Variants in LNPEP observed in about 807,000 individuals in gnomAD.
The protein encoded by LNPEP is leucyl and cystinyl aminopeptidase.
Under a neutral mutation model 120.6 loss-of-function variants are expected in LNPEP, and 64 were observed. The ratio of observed to expected loss-of-function variants is 0.53; its 90% CI spans 0.43 to 0.65. The LOEUF (loss-of-function observed/expected upper bound fraction) is 0.65. Ranked by LOEUF, LNPEP falls within the 30% of genes least tolerant of loss-of-function variation. The pLI, the probability that LNPEP is intolerant of heterozygous loss-of-function variation, is 0.00. For synonymous variants in LNPEP, 435 were observed against 425.4 expected (o/e 1.02, Z -0.28); for missense variants, 1,057 against 1,200.0 (o/e 0.88, Z 1.76).
intron 6 of LNPEP, among the ~76,000 whole-genome samples, chr5:96,994,405 A>G (rs983235598): frequency 6.6e-6 from 1 of 152,044 alleles, no homozygotes; most frequent in Non-Finnish European, 1.5e-5. Context: ...TTTGTGGGGA[A>G]GAATCTCTTT....
At position 96,979,145 on chromosome 5, in the gene LNPEP, TCAG is replaced by T; in HGVS notation, c.29_31del (p.Gln10del). 1 of 1,598,176 alleles carries T rather than the reference TCAG, an allele frequency of 6.3e-7. No individual in the cohort carries two copies. The highest frequency in any genetic ancestry group is 8.5e-7 in the Non-Finnish European group (1 of 1,172,176). On this transcript the variant is annotated inframe_deletion, in exon 2 of 18. Coordinates refer to ENST00000231368, the MANE Select transcript of LNPEP (RefSeq NM_005575.3). ...TATGTTTTGGTTTTTTAGATCGGCT[TCAG>T]CTCCCCAGGAATATGATTGAAAACA... is the stretch of plus-strand genomic sequence containing the variant.
At chr5:96,945,784 A>T (rs1346094567) in intron 1 of LNPEP, among the ~76,000 whole-genome samples, 8 of 152,196 alleles carry the variant, frequency 5.3e-5, no homozygotes, top group African/African-American at 1.9e-4. Flanking sequence ...AGAGGGGTCC[A>T]TTCGGTCAGT....
At chr5:96,958,535 T>C in intron 1 of LNPEP, 6 of 970,856 alleles carry the variant, frequency 6.2e-6, no homozygotes, top group South Asian at 4.8e-5. Flanking sequence ...ATTAGTTTTC[T>C]ATTGCCACCA....
At chr5:97,006,316 T>C (rs1219603401) in intron 10 of LNPEP, 83 bp downstream of exon 10, 3 of 1,340,248 alleles carry the variant, frequency 2.2e-6, no homozygotes, top group Non-Finnish European at 3.1e-6. Context: ...TCATAAGTTC[T>C]TGTGAAACCT....
chr5:96,969,130 A>G (rs934513644), intron 1 of LNPEP, among the ~76,000 whole-genome samples: 1 of 152,096 alleles, frequency 6.6e-6, no homozygotes, highest in African/African-American at 2.4e-5. Flanking sequence ...TTTTTTTCCT[A>G]TCCAGAAAAA....
intron 8 of LNPEP, among the ~76,000 whole-genome samples, chr5:97,000,791 T>C (rs1790630991): frequency 6.6e-6 from 1 of 152,180 alleles, no homozygotes; most frequent in African/African-American, 2.4e-5. Flanking sequence ...TAGCAGTGAG[T>C]ATGACTATAT....
intron 4 of LNPEP, among the ~76,000 whole-genome samples, chr5:96,987,486 T>C (rs1399860588): frequency 6.6e-6 from 1 of 152,172 alleles, no homozygotes; most frequent in African/African-American, 2.4e-5. Context: ...CTTTCTAGAC[T>C]AAAGAGCTTT....
intron 1 of LNPEP, among the ~76,000 whole-genome samples, chr5:96,939,497 G>A (rs2432142): frequency 0.4 from 61,047 of 151,668 alleles, 12,315 homozygotes; most frequent in Non-Finnish European, 0.43. Flanking sequence ...ATGAGCCACC[G>A]CGCCCAGCTG....
intron 1 of LNPEP, among the ~76,000 whole-genome samples, chr5:96,973,531 A>G (rs1039816176): frequency 6.6e-6 from 1 of 152,140 alleles, no homozygotes. Context: ...CCTTGTTACT[A>G]TTCTCTAAAA....
chr5:96,997,385 TAAGA>T (rs1462113174), intron 7 of LNPEP, among the ~76,000 whole-genome samples: 2 of 152,124 alleles, frequency 1.3e-5, no homozygotes, highest in Non-Finnish European at 2.9e-5. Flanking sequence ...GCTAGAATAC[TAAGA>T]AAGATATTCT....
At chr5:96,981,715 G>A (rs886443764) in intron 2 of LNPEP, among the ~76,000 whole-genome samples, 12 of 152,284 alleles carry the variant, frequency 7.9e-5, no homozygotes, top group African/African-American at 2.9e-4. Flanking sequence ...CGTAGACACT[G>A]CTTGTTGTAA....
chr5:97,015,939 A>G (rs1023483883), intron 13 of LNPEP, among the ~76,000 whole-genome samples: 5 of 152,082 alleles, frequency 3.3e-5, no homozygotes, highest in Non-Finnish European at 7.4e-5. Context: ...GTACATGTGC[A>G]CAATGTGCAG....
intron 1 of LNPEP, among the ~76,000 whole-genome samples, chr5:96,973,229 G>T (rs1789909865): frequency 6.6e-6 from 1 of 152,008 alleles, no homozygotes; most frequent in Non-Finnish European, 1.5e-5. Context: ...TTGAGTATGG[G>T]TTTAGCGGGG....
chr5:96,964,531 T>A (rs1172869089), intron 1 of LNPEP, among the ~76,000 whole-genome samples: 1 of 152,110 alleles, frequency 6.6e-6, no homozygotes, highest in Non-Finnish European at 1.5e-5. Flanking sequence ...AAATAATTTT[T>A]TGTCTGCATA....
intron 4 of LNPEP, among the ~76,000 whole-genome samples, chr5:96,987,114 T>G (rs1790260689): frequency 6.6e-6 from 1 of 152,086 alleles, no homozygotes; most frequent in Admixed American, 6.6e-5. Flanking sequence ...ATTAGATGAG[T>G]CCTCCCTTTT....
intron 13 of LNPEP, among the ~76,000 whole-genome samples, chr5:97,021,750 A>G (rs1791202287): frequency 6.6e-6 from 1 of 152,060 alleles, no homozygotes; most frequent in African/African-American, 2.4e-5. Context: ...CCTTAGCTAT[A>G]GCAGCCTTAT....
intron 4 of LNPEP, among the ~76,000 whole-genome samples, chr5:96,991,057 C>T (rs1408791528): frequency 6.6e-6 from 1 of 152,104 alleles, no homozygotes; most frequent in Non-Finnish European, 1.5e-5. Context: ...TCCCTCACTC[C>T]CCTCCCACCC....
intron 1 of LNPEP, among the ~76,000 whole-genome samples, chr5:96,974,116 T>C (rs1789936081): frequency 6.6e-6 from 1 of 152,194 alleles, no homozygotes. Flanking sequence ...AGATGTTTTT[T>C]AGAGATTTGT....
At chr5:96,965,399 A>G (rs1407239656) in intron 1 of LNPEP, among the ~76,000 whole-genome samples, 4 of 151,774 alleles carry the variant, frequency 2.6e-5, no homozygotes, top group Non-Finnish European at 5.9e-5. Context: ...CTGCCTCCCA[A>G]CCCCAACCCC....
Sources: gnomAD v4.1 joint callset for allele counts (sites outside exome capture counted in the v4.1 genomes callset) on GRCh38, gnomAD v4.1.1 for gene constraint, MANE v1.5 for transcripts, NCBI Gene and HGNC (gene_info 2026-07-23, HGNC 2026-07-21) for gene names.